Variants in ARHGEF10L observed in about 807,000 individuals in gnomAD.
ARHGEF10L encodes Rho guanine nucleotide exchange factor 10 like.
Under a neutral mutation model 141.2 loss-of-function variants are expected in ARHGEF10L, and 69 were observed. The observed-to-expected ratio is 0.49, with a 90% confidence interval of 0.40 to 0.60. ARHGEF10L has a LOEUF of 0.60. Among genes scored for constraint, ARHGEF10L ranks in the 20% least tolerant of loss-of-function variants. The pLI is 0.00. For synonymous variants in ARHGEF10L, 711 were observed against 718.5 expected (o/e 0.99, Z 0.17); for missense variants, 1,482 against 1,734.3 (o/e 0.85, Z 2.58).
intron 22 of ARHGEF10L, among the ~76,000 whole-genome samples, chr1:17,653,519 C>T (rs1332833973): frequency 6.6e-6 from 1 of 152,184 alleles, no homozygotes. Flanking sequence ...GAGCATCAGC[C>T]CAGCAGAAAG....
Position 17,627,348 on chromosome 1 carries a change from C to T in ARHGEF10L, c.1429C>T (p.Pro477Ser), listed in dbSNP as rs2060445745. 6.2e-7 allele frequency: 1 copy of T among 1,614,034 alleles called. No individual in the cohort carries two copies. Among genetic ancestry groups the T allele is most frequent in the Non-Finnish European group, 8.5e-7 (1 of 1,179,990 alleles). ...LLLQDMLKNT[P>S]RGHPDRLSLQ... ...CTGGCAGGACATGCTGAAGAACACC[C>T]CCAGGGGCCATCCGGACAGGCTGTC... The change falls in exon 15 of 29, where the codon CCC becomes TCC. Residue 477 changes from proline to serine, a missense_variant. Pro to Ser is a moderately conservative substitution (Grantham distance 74). Coordinates refer to ENST00000361221, the MANE Select transcript of ARHGEF10L (RefSeq NM_018125.4). The surrounding 1 kb of genome is among the most constrained non-coding windows in gnomAD (Gnocchi z 4.0).
At chr1:17,570,082 C>T (rs1209285857) in intron 1 of ARHGEF10L, among the ~76,000 whole-genome samples, 2 of 152,208 alleles carry the variant, frequency 1.3e-5, no homozygotes, top group East Asian at 3.9e-4. Flanking sequence ...GTGGCCGCCT[C>T]CTCCCCAGGG....
intron 26 of ARHGEF10L, among the ~76,000 whole-genome samples, chr1:17,676,109 C>G (rs76084420): frequency 0.23 from 11,334 of 48,536 alleles, 1,271 homozygotes; most frequent in African/African-American, 0.45. Context: ...TGCAGGTGTA[C>G]GTGCAGGCAT....
intron 26 of ARHGEF10L, among the ~76,000 whole-genome samples, chr1:17,686,666 T>C (rs191914664): frequency 1.3e-5 from 2 of 152,270 alleles, no homozygotes; most frequent in East Asian, 3.9e-4. Flanking sequence ...ATCTTGAGCA[T>C]TGGCTGGCCT....
At chr1:17,687,266 C>T (rs755376129) in intron 26 of ARHGEF10L, among the ~76,000 whole-genome samples, 27 of 152,342 alleles carry the variant, frequency 1.8e-4, no homozygotes, top group Middle Eastern at 6.8e-3. Context: ...TTTCCTGCTC[C>T]TCACTCGGTG....
chr1:17,574,572 C>T (rs1229886904), intron 1 of ARHGEF10L, among the ~76,000 whole-genome samples: 2 of 152,206 alleles, frequency 1.3e-5, no homozygotes, highest in Admixed American at 6.5e-5. Flanking sequence ...CTGCCTGCTT[C>T]GGAGTGGGGC....
rs1444349336 is a variant in ARHGEF10L at position 17,627,377 on chromosome 1, G to A, written c.1458G>A (p.Leu486=). The stretch of plus-strand genomic sequence containing the variant: ...GGGGCCATCCGGACAGGCTGTCGCT[G>A]CAGCTGGCCCTCACAGAGCTGGAGA... The part of the protein sequence containing the change: ...TPRGHPDRLS[L]QLALTELETL... The change falls in exon 15 of 29, where the codon CTG becomes CTA. Residue 486 remains leucine, a synonymous_variant. Transcript: ENST00000361221. This position sits in a 1 kb window ranked among gnomAD's most constrained non-coding sequence, Gnocchi z 4.0. The A allele has an allele frequency of 1.9e-6, 3 of 1,614,132 alleles. No individual in the cohort carries two copies. The highest frequency in any genetic ancestry group is 2.5e-6 in the Non-Finnish European group (3 of 1,180,050).
chr1:17,649,649 T>C (rs950809372), intron 22 of ARHGEF10L, among the ~76,000 whole-genome samples: 5 of 152,150 alleles, frequency 3.3e-5, no homozygotes, highest in African/African-American at 1.2e-4. Context: ...TAGCTTTGAA[T>C]CCTAGCAGGG....
chr1:17,587,386 A>G lies in ARHGEF10L; in HGVS notation c.38-74A>G, dbSNP rs1039852645. 2.0e-6 allele frequency: 3 copies of G among 1,486,764 alleles called. No individual in the cohort carries two copies. In the African/African-American group the frequency reaches 4.2e-5, roughly 21 times the overall value. The allele number at this position is 1,486,764 out of a possible 1,614,324, so 92.1% of individuals were successfully genotyped here. A position where few individuals can be genotyped will look rare whatever the true frequency, so the allele number is the denominator to read the frequency against. On this transcript the variant is annotated intron_variant, in intron 2 of 28. Coordinates refer to ENST00000361221, the MANE Select transcript of ARHGEF10L (RefSeq NM_018125.4). ...TGCTCACCCAGTTCCAGCCATGCCCACCTACCCCAGCCATCTCTCCATTGA... is the reference window on the plus strand; with the variant it reads ...TGCTCACCCAGTTCCAGCCATGCCCGCCTACCCCAGCCATCTCTCCATTGA...
chr1:17,645,675 G>A (rs1310326983), intron 21 of ARHGEF10L, among the ~76,000 whole-genome samples: 1 of 152,288 alleles, frequency 6.6e-6, no homozygotes, highest in East Asian at 1.9e-4. Context: ...CATGGCGAGC[G>A]CTGGCACACT....
At position 17,616,201 on chromosome 1, in the gene ARHGEF10L, C is replaced by T. The variant is rs1345331974; in HGVS notation, c.834C>T (p.Leu278=). The T allele has an allele frequency of 8.2e-6, 12 of 1,466,372 alleles. No homozygotes were observed. The highest frequency in any genetic ancestry group is 1.4e-5 in the African/African-American group (1 of 70,238). The allele number at this position is 1,466,372 out of a possible 1,614,324, so 90.8% of individuals were successfully genotyped here. Residue 278 remains leucine, a splice_region_variant and synonymous_variant, in exon 9 of 29, where the codon CTC becomes CTT. Transcript: ENST00000361221. The part of the protein sequence containing the change: ...KVSFLHRKDV[L]GDSEEEDMGL... ...CCTTCCTGCACAGGAAGGACGTCCT[C>T]GGTGAGGCGCTGCCCGAGCGGGAGG...
rs781321521 is a variant in ARHGEF10L, at chr1:17,632,418, G to A, written c.1682G>A (p.Arg561Gln). 16 of 1,614,150 alleles carry A rather than the reference G, an allele frequency of 9.9e-6. No individual in the cohort carries two copies. The highest frequency in any genetic ancestry group is 1.4e-5 in the Non-Finnish European group (16 of 1,180,018). ...CAGCTAATTAAGTCCAAGGAGCGTC[G>A]GGTCTTCCTGCTCAACGACATGCTT... Reference protein sequence around the residue: ...RGQLIKSKERRVFLLNDMLVC... With the variant: ...RGQLIKSKERQVFLLNDMLVC... Residue 561 changes from arginine (R) to glutamine (Q), a missense_variant, in exon 16 of 29, where the codon CGG becomes CAG. Coordinates refer to ENST00000361221, the MANE Select transcript of ARHGEF10L (RefSeq NM_018125.4).
the ARHGEF10L span, among the ~76,000 whole-genome samples, chr1:17,522,947 A>G: frequency 6.6e-6 from 1 of 152,004 alleles, no homozygotes; most frequent in Non-Finnish European, 1.5e-5. Context: ...CACTAATACT[A>G]GTCATGTTCC....
At chr1:17,532,302 G>T in the ARHGEF10L span, among the ~76,000 whole-genome samples, 1 of 152,172 alleles carries the variant, frequency 6.6e-6, no homozygotes, top group East Asian at 1.9e-4. Flanking sequence ...CTGGGTTGGA[G>T]CAGTAATCTG....
chr1:17,522,055 G>A, the ARHGEF10L span, among the ~76,000 whole-genome samples: 824 of 152,314 alleles, frequency 5.4e-3, 10 homozygotes, highest in African/African-American at 0.019. Flanking sequence ...AGGGAGGGTT[G>A]AAAGCCGTGG....
intron 26 of ARHGEF10L, among the ~76,000 whole-genome samples, chr1:17,671,167 C>A (rs1486588650): frequency 6.6e-6 from 1 of 152,242 alleles, no homozygotes; most frequent in Non-Finnish European, 1.5e-5. Flanking sequence ...CGGCACCTTC[C>A]TCCGCCACGG....
Position 17,687,626 on chromosome 1 carries a change from G to T in ARHGEF10L, c.3063G>T (p.Lys1021Asn), listed in dbSNP as rs543985137. The T allele has an allele frequency of 1.9e-6, 3 of 1,613,000 alleles. No homozygotes were observed. The highest frequency in any genetic ancestry group is 4.5e-5 in the East Asian group (2 of 44,854). ...DEAVSVTHMV[K>N]AGSGVWMAFS... The stretch of plus-strand genomic sequence containing the variant: ...CAGTGAGCGTGACACACATGGTGAA[G>T]GCGGGCAGCGGCGTCTGGATGGCCT... The change falls in exon 27 of 29, where the codon AAG (lysine) becomes AAT (asparagine). Residue 1021 changes from lysine to asparagine, a missense_variant. Physicochemically the swap from Lys to Asn is moderately conservative, Grantham distance 94. Transcript: ENST00000361221.
chr1:17,687,506 G>A (rs919561284), intron 26 of ARHGEF10L, 67 bp from the exon 27 acceptor site: 1 of 1,564,744 alleles, frequency 6.4e-7, no homozygotes, highest in Non-Finnish European at 8.7e-7. Flanking sequence ...GCCCAGGGGT[G>A]GGGGCTTGTA....
Position 17,587,548 on chromosome 1 carries a change from T to C in ARHGEF10L, c.126T>C (p.Asp42=). ...GEAFEFDDSD[D]EEDTSAALGV... ...CGTTTGAGTTTGATGACAGTGATGA[T>C]GAAGAGGACACCAGCGCAGCCCTGG... The change falls in exon 3 of 29, where the codon GAT becomes GAC. Residue 42 remains aspartate (D), a synonymous_variant. Transcript: ENST00000361221. 1.9e-6 allele frequency: 3 copies of C among 1,614,194 alleles called. No homozygotes were observed. The highest frequency in any genetic ancestry group is 1.6e-4 in the Middle Eastern group (1 of 6,062).
Sources: allele counts gnomAD v4.1 joint callset (sites outside exome capture counted in the v4.1 genomes callset), GRCh38; gene constraint gnomAD v4.1.1; non-coding constraint Gnocchi (gnomAD v3.1); transcripts MANE v1.5; gene names NCBI Gene and HGNC (gene_info 2026-07-23, HGNC 2026-07-21).